The following FAM107B variants were observed in gnomAD, a reference collection of about 807,000 sequenced individuals.
FAM107B encodes family with sequence similarity 107 member B.
FAM107B carries 21 observed loss-of-function variants against 31.5 expected under a neutral mutation model. That is an observed-to-expected ratio of 0.67 (90% CI 0.47 to 0.96). The LOEUF (loss-of-function observed/expected upper bound fraction) is 0.96, where lower values mean the gene tolerates loss of function less well. Ranked by LOEUF, FAM107B falls within the 40% of genes least tolerant of loss-of-function variation. The pLI, the probability that FAM107B is intolerant of heterozygous loss-of-function variation, is 0.00. For synonymous variants in FAM107B, 157 were observed against 141.5 expected (o/e 1.11, Z -0.78); for missense variants, 452 against 377.1 (o/e 1.20, Z -1.64).
intron 1 of FAM107B, among the ~76,000 whole-genome samples, chr10:14,682,248 G>T (rs1854854054): frequency 6.6e-6 from 1 of 152,194 alleles, no homozygotes; most frequent in Admixed American, 6.5e-5. Flanking sequence ...GGAAGCTTGG[G>T]CTGGCTGTGG....
intron 2 of FAM107B, among the ~76,000 whole-genome samples, chr10:14,574,209 A>T (rs1393618061): frequency 6.6e-6 from 1 of 152,236 alleles, no homozygotes; most frequent in Non-Finnish European, 1.5e-5. Context: ...TTCCTCAGGC[A>T]TCCTGACACA....
intron 1 of FAM107B, among the ~76,000 whole-genome samples, chr10:14,754,305 G>A (rs1832887170): frequency 6.6e-6 from 1 of 152,164 alleles, no homozygotes; most frequent in South Asian, 2.1e-4. Flanking sequence ...CAGGGGTCGT[G>A]GAGCCTCTTC....
chr10:14,622,260 A>G (rs1348967417), intron 2 of FAM107B, among the ~76,000 whole-genome samples: 2 of 152,100 alleles, frequency 1.3e-5, no homozygotes, highest in Non-Finnish European at 2.9e-5. Flanking sequence ...AGCAAACATA[A>G]TACAATAAAT....
chr10:14,597,927 G>A (rs1047800369), intron 2 of FAM107B, among the ~76,000 whole-genome samples: 5 of 152,170 alleles, frequency 3.3e-5, no homozygotes, highest in African/African-American at 1.2e-4. Context: ...TCCAGCCTGG[G>A]TGACAGAGTG....
intron 1 of FAM107B, among the ~76,000 whole-genome samples, chr10:14,731,088 G>T (rs1389161485): frequency 6.6e-6 from 1 of 152,062 alleles, no homozygotes; most frequent in Non-Finnish European, 1.5e-5. Flanking sequence ...TGCTCACTTT[G>T]GTGTGTCTAA....
intron 2 of FAM107B, among the ~76,000 whole-genome samples, chr10:14,573,468 T>G (rs1459508567): frequency 2.0e-5 from 3 of 151,414 alleles, no homozygotes; most frequent in Non-Finnish European, 4.4e-5. Context: ...GGTTCACACC[T>G]GTAATCCCAG....
chr10:14,641,287 G>C (rs973821053), intron 2 of FAM107B, among the ~76,000 whole-genome samples: 4 of 152,120 alleles, frequency 2.6e-5, no homozygotes, highest in Non-Finnish European at 4.4e-5. Flanking sequence ...AATGTATTTT[G>C]GGGTCCTCTG....
rs1425214075 is a variant in FAM107B at position 14,527,567 on chromosome 10, T to C, written c.653+2765A>G. 1.3e-5 allele frequency among the ~76,000 whole-genome samples: 2 copies of C among 152,244 alleles called. 1 individual carries two copies. Among genetic ancestry groups the C allele is most frequent in the South Asian group, 4.1e-4 (2 of 4,838 alleles). On this transcript the variant is annotated intron_variant, in intron 3 of 4. Coordinates refer to ENST00000181796, the MANE Select transcript of FAM107B (RefSeq NM_031453.4). ...TTCTAAACACTATTTCAAAAAACTA[T>C]TATGTAATCTTGAGATGATTCCTTA...
intron 2 of FAM107B, among the ~76,000 whole-genome samples, chr10:14,563,717 C>A (rs181010515): frequency 2.0e-5 from 3 of 152,302 alleles, no homozygotes; most frequent in Admixed American, 6.5e-5. Flanking sequence ...AATTCTCTGG[C>A]CTTTCCCAAT....
chr10:14,624,255 G>A (rs778454521), intron 2 of FAM107B, among the ~76,000 whole-genome samples: 1 of 152,226 alleles, frequency 6.6e-6, no homozygotes, highest in Non-Finnish European at 1.5e-5. Flanking sequence ...ATCAGAAGAC[G>A]TGAGAAGTGT....
chr10:14,539,566 A>G (rs1002347170), intron 2 of FAM107B, among the ~76,000 whole-genome samples: 2 of 152,246 alleles, frequency 1.3e-5, no homozygotes, highest in Non-Finnish European at 2.9e-5. Context: ...GAAAAGACTG[A>G]AGACAAAATA....
At chr10:14,677,537 C>T (rs1854716325) in intron 1 of FAM107B, among the ~76,000 whole-genome samples, 1 of 152,100 alleles carries the variant, frequency 6.6e-6, no homozygotes, top group Non-Finnish European at 1.5e-5. Context: ...AGGAGAATGG[C>T]GCGAACCCGG....
At chr10:14,674,637 C>G (rs900711249) in intron 1 of FAM107B, among the ~76,000 whole-genome samples, 1 of 152,176 alleles carries the variant, frequency 6.6e-6, no homozygotes, top group Non-Finnish European at 1.5e-5. Flanking sequence ...ATAATTGTCT[C>G]GTTAACTCCC....
intron 2 of FAM107B, among the ~76,000 whole-genome samples, chr10:14,550,097 A>G (rs1849116264): frequency 6.6e-6 from 1 of 152,190 alleles, no homozygotes; most frequent in South Asian, 2.1e-4. Flanking sequence ...ATACCACTTC[A>G]TTTTAGTGAT....
At chr10:14,523,628 G>T (rs186710376) in intron 3 of FAM107B, among the ~76,000 whole-genome samples, 1 of 152,298 alleles carries the variant, frequency 6.6e-6, no homozygotes, top group East Asian at 1.9e-4. Flanking sequence ...AGTCATCTGA[G>T]CAACTGTTAA....
chr10:14,705,979 G>A (rs750091422), intron 1 of FAM107B, among the ~76,000 whole-genome samples: 3 of 152,120 alleles, frequency 2.0e-5, no homozygotes, highest in Admixed American at 6.5e-5. Flanking sequence ...AAGAAAAACC[G>A]CACTCTTGCT....
At chr10:14,670,440 A>G (rs1025687878) in intron 1 of FAM107B, among the ~76,000 whole-genome samples, 3 of 152,234 alleles carry the variant, frequency 2.0e-5, no homozygotes, top group Admixed American at 6.5e-5. Context: ...CACACAGCAA[A>G]TAAATGCAGT....
At chr10:14,691,322 G>C (rs971691929) in intron 1 of FAM107B, among the ~76,000 whole-genome samples, 1 of 152,208 alleles carries the variant, frequency 6.6e-6, no homozygotes, top group African/African-American at 2.4e-5. Context: ...GTCCTGCAGA[G>C]TCCATGTCTC....
intron 1 of FAM107B, among the ~76,000 whole-genome samples, chr10:14,741,153 G>T (rs748452094): frequency 6.6e-6 from 1 of 152,182 alleles, no homozygotes; most frequent in Non-Finnish European, 1.5e-5. Flanking sequence ...AGGGTACCAG[G>T]TGAGGGTTTG....
Sources: allele counts gnomAD v4.1 joint callset (sites outside exome capture counted in the v4.1 genomes callset), GRCh38; gene constraint gnomAD v4.1.1; transcripts MANE v1.5; gene names NCBI Gene and HGNC (gene_info 2026-07-23, HGNC 2026-07-21).